Variants in ATXN8OS observed in about 807,000 individuals in gnomAD.
ATXN8OS encodes ATXN8 opposite strand (non-protein coding).
At chr13:70,135,088 C>T (rs933309978) in intron 3 of ATXN8OS, among the ~76,000 whole-genome samples, 2 of 152,176 alleles carry the variant, frequency 1.3e-5, no homozygotes, top group African/African-American at 4.8e-5. Context: ...CAGTTCTGAA[C>T]AGAGGCTGCA....
intron 4 of ATXN8OS, among the ~76,000 whole-genome samples, chr13:70,161,756 G>T: frequency 1.0e-5 from 1 of 96,710 alleles, no homozygotes; most frequent in East Asian, 2.3e-4. Flanking sequence ...ATAAGTATTT[G>T]TTGAGTGAAA....
chr13:70,139,292 A>C lies in ATXN8OS; in HGVS notation n.500-8063A>C, dbSNP rs111965985. 567 of 519,394 alleles carry C rather than the reference A, an allele frequency of 1.1e-3. 3 individuals are homozygous for C. The highest frequency in any genetic ancestry group is 0.01 in the African/African-American group (518 of 51,582). The allele number at this position is 519,394 out of a possible 1,614,324, so 32.2% of individuals were successfully genotyped here. A position where few individuals can be genotyped will look rare whatever the true frequency, so the allele number is the denominator to read the frequency against. On this transcript the variant is annotated intron_variant and non_coding_transcript_variant, in intron 3 of 4. Transcript: ENST00000678624. ...ACGGAGAGATTAACTCTGTTGGCTG[A>C]AGCCCTATTCCCAATTCCTTGGCTA...
chr13:70,171,084 T>C (rs1297958453), exon 5 of ATXN8OS, among the ~76,000 whole-genome samples: 2 of 152,124 alleles, frequency 1.3e-5, no homozygotes, highest in African/African-American at 4.8e-5. Context: ...AAAGAACTAG[T>C]CAGCCTCTGG....
At chr13:70,131,131 G>T in intron 3 of ATXN8OS, 1 of 398,330 alleles carries the variant, frequency 2.5e-6, no homozygotes, top group Non-Finnish European at 4.4e-6. Context: ...ATATCCAAGG[G>T]CACACACATA....
chr13:70,147,903 C>T (rs1007090574), intron 4 of ATXN8OS, among the ~76,000 whole-genome samples: 5 of 152,166 alleles, frequency 3.3e-5, no homozygotes, highest in African/African-American at 9.6e-5. Context: ...AAACATAATA[C>T]ATGTAAAGCA....
At chr13:70,168,236 T>C (rs529687763) in intron 4 of ATXN8OS, among the ~76,000 whole-genome samples, 1 of 152,212 alleles carries the variant, frequency 6.6e-6, no homozygotes, top group East Asian at 1.9e-4. Flanking sequence ...TGAAATTGAC[T>C]CTTAATGTTT....
In ATXN8OS at chr13:70,128,460, G is replaced by A. The variant is rs78194748; in HGVS notation, n.399-1324G>A. ...CTGAACCCGTAGTTGTACTAAGAAG[G>A]GGAGGGCAAATGGTCTTGAAGAGTA... On this transcript the variant is annotated intron_variant and non_coding_transcript_variant, in intron 2 of 4. Coordinates refer to ENST00000678624, the Ensembl canonical transcript of ATXN8OS. Among the ~76,000 whole-genome samples, 22 of 152,164 alleles carry A rather than the reference G, an allele frequency of 1.4e-4. No homozygotes were observed. In the East Asian group the frequency reaches 4.1e-3, roughly 28 times the overall value.
intron 3 of ATXN8OS, among the ~76,000 whole-genome samples, chr13:70,135,294 T>C (rs1197829004): frequency 6.6e-6 from 1 of 152,126 alleles, no homozygotes; most frequent in Non-Finnish European, 1.5e-5. Context: ...TTGTCAATAC[T>C]ATTTCTCCAC....
chr13:70,157,796 T>C (rs1223623353), intron 4 of ATXN8OS, among the ~76,000 whole-genome samples: 1 of 152,122 alleles, frequency 6.6e-6, no homozygotes, highest in East Asian at 1.9e-4. Flanking sequence ...TAATCTTTGA[T>C]CTTCTGCATG....
intron 4 of ATXN8OS, among the ~76,000 whole-genome samples, chr13:70,167,345 T>G (rs1377604103): frequency 1.3e-5 from 2 of 151,954 alleles, no homozygotes; most frequent in Non-Finnish European, 2.9e-5. Flanking sequence ...AAATGATGAG[T>G]TCATGTCCTT....
At chr13:70,168,954 TTTTG>T (rs1325010301) in intron 4 of ATXN8OS, among the ~76,000 whole-genome samples, 1 of 152,158 alleles carries the variant, frequency 6.6e-6, no homozygotes, top group Non-Finnish European at 1.5e-5. Context: ...CACATGGTTG[TTTTG>T]TTTGTTAACT....
chr13:70,132,831 G>A (rs1045586509), intron 3 of ATXN8OS, among the ~76,000 whole-genome samples: 1 of 150,076 alleles, frequency 6.7e-6, no homozygotes, highest in Admixed American at 6.7e-5. Context: ...TCAAGGGGCT[G>A]TATTATTAGC....
upstream of ATXN8OS, chr13:70,107,503 C>T (rs778325080): frequency 1.9e-6 from 3 of 1,611,104 alleles, no homozygotes; most frequent in African/African-American, 2.7e-5. Flanking sequence ...CCAGAAAGTG[C>T]TCACACCGCT....
chr13:70,151,613 C>T (rs547770647), intron 4 of ATXN8OS, among the ~76,000 whole-genome samples: 13 of 151,912 alleles, frequency 8.6e-5, no homozygotes, highest in Middle Eastern at 6.8e-3. Context: ...TACATAAGTT[C>T]GAATGTAAAA....
intron 1 of ATXN8OS, chr13:70,108,509 T>C (rs2137464864): frequency 7.3e-6 from 1 of 137,844 alleles, no homozygotes; most frequent in Admixed American, 7.2e-5. Context: ...AGATGTGCAC[T>C]GGGGCCTATA....
chr13:70,162,554 G>C (rs1389578034), intron 4 of ATXN8OS, among the ~76,000 whole-genome samples: 1 of 152,092 alleles, frequency 6.6e-6, no homozygotes, highest in Non-Finnish European at 1.5e-5. Flanking sequence ...ATGGGAGGAA[G>C]AGAGAGAGTA....
At chr13:70,132,739 G>A (rs1177556627) in intron 3 of ATXN8OS, among the ~76,000 whole-genome samples, 1 of 152,090 alleles carries the variant, frequency 6.6e-6, no homozygotes, top group Admixed American at 6.6e-5. Context: ...ACATTTATTG[G>A]CCTTCATTTT....
At chr13:70,115,760 T>C (rs1888270472) in intron 2 of ATXN8OS, among the ~76,000 whole-genome samples, 1 of 152,078 alleles carries the variant, frequency 6.6e-6, no homozygotes, top group African/African-American at 2.4e-5. Flanking sequence ...TCAGGAAACA[T>C]ATAATACTTT....
At chr13:70,165,879 C>A (rs1361869739) in intron 4 of ATXN8OS, among the ~76,000 whole-genome samples, 1 of 151,870 alleles carries the variant, frequency 6.6e-6, no homozygotes, top group Non-Finnish European at 1.5e-5. Flanking sequence ...AATAATAATA[C>A]AATGAATAAT....
Sources: gnomAD v4.1 joint callset for allele counts (sites outside exome capture counted in the v4.1 genomes callset) on GRCh38, gnomAD v4.1.1 for gene constraint, MANE v1.5 for transcripts, NCBI Gene and HGNC (gene_info 2026-07-23, HGNC 2026-07-21) for gene names.